The following CDKAL1 variants were observed in gnomAD, a reference collection of about 807,000 sequenced individuals.
CDKAL1 encodes CDKAL1 threonylcarbamoyladenosine tRNA methylthiotransferase.
In CDKAL1, 32 loss-of-function variants were observed where a neutral mutation model predicts 68.2. The observed-to-expected ratio is 0.47, with a 90% CI of 0.35 to 0.63. The LOEUF is 0.63. Ranked by LOEUF, CDKAL1 falls within the 30% of genes least tolerant of loss-of-function variation. The pLI is 0.00. For synonymous variants in CDKAL1, 234 were observed against 244.3 expected (o/e 0.96, Z 0.39); for missense variants, 606 against 696.7 (o/e 0.87, Z 1.47).
chr6:20,679,089 T>C (rs913398910), intron 5 of CDKAL1, among the ~76,000 whole-genome samples: 1 of 152,176 alleles, frequency 6.6e-6, no homozygotes, highest in African/African-American at 2.4e-5. Context: ...TATTGATTGA[T>C]TGATTGTAAA....
intron 9 of CDKAL1, among the ~76,000 whole-genome samples, chr6:20,899,538 T>A (rs1761864195): frequency 6.6e-6 from 1 of 152,196 alleles, no homozygotes; most frequent in Admixed American, 6.5e-5. Flanking sequence ...AATTTCTATG[T>A]CATTAATTTT....
chr6:21,112,166 C>T (rs1774149602), intron 13 of CDKAL1, among the ~76,000 whole-genome samples: 2 of 151,896 alleles, frequency 1.3e-5, no homozygotes, highest in Non-Finnish European at 2.9e-5. Context: ...TGCTGTTTGT[C>T]CTTGGCCTGA....
chr6:20,728,413 A>G (rs1206706947), intron 5 of CDKAL1, among the ~76,000 whole-genome samples: 1 of 152,198 alleles, frequency 6.6e-6, no homozygotes, highest in Non-Finnish European at 1.5e-5. Flanking sequence ...GTGATGGTAG[A>G]TTGAGTAGAT....
At chr6:20,692,674 T>C (rs547373791) in intron 5 of CDKAL1, among the ~76,000 whole-genome samples, 56 of 152,260 alleles carry the variant, frequency 3.7e-4, no homozygotes, top group Non-Finnish European at 6.5e-4. Context: ...TTTGTACTTT[T>C]TTTCTGGAAA....
intron 13 of CDKAL1, among the ~76,000 whole-genome samples, chr6:21,124,496 C>T (rs1321069356): frequency 2.0e-5 from 3 of 151,932 alleles, no homozygotes; most frequent in Non-Finnish European, 4.4e-5. Flanking sequence ...GTATTTATTA[C>T]CTCGATGAAT....
intron 4 of CDKAL1, among the ~76,000 whole-genome samples, chr6:20,593,791 C>T (rs1347967464): frequency 6.6e-6 from 1 of 152,190 alleles, no homozygotes; most frequent in Admixed American, 6.5e-5. Context: ...TTAGATCTTT[C>T]CCACTTTCTG....
chr6:20,781,608 T>A (rs931237498), intron 8 of CDKAL1, among the ~76,000 whole-genome samples: 3 of 152,232 alleles, frequency 2.0e-5, no homozygotes, highest in Admixed American at 1.3e-4. Context: ...ACTGTTTTTT[T>A]CAGTAAAGGT....
intron 8 of CDKAL1, among the ~76,000 whole-genome samples, chr6:20,808,261 C>CA (rs1003416680): frequency 8.6e-5 from 13 of 151,962 alleles, no homozygotes; most frequent in Non-Finnish European, 1.8e-4. Context: ...ATTTGTATTA[C>CA]AAAAAATTGC....
chr6:20,551,848 C>A (rs12055423), intron 4 of CDKAL1, among the ~76,000 whole-genome samples: 3 of 151,812 alleles, frequency 2.0e-5, no homozygotes, highest in Non-Finnish European at 4.4e-5. Context: ...TTACCATATT[C>A]TGATGGTGTA....
intron 4 of CDKAL1, among the ~76,000 whole-genome samples, chr6:20,577,229 A>G (rs775816751): frequency 1.3e-5 from 2 of 152,246 alleles, no homozygotes; most frequent in African/African-American, 2.4e-5. Context: ...ATTATGAACT[A>G]TTTGACAGAG....
intron 4 of CDKAL1, among the ~76,000 whole-genome samples, chr6:20,570,739 C>T (rs992465904): frequency 6.6e-6 from 1 of 152,092 alleles, no homozygotes; most frequent in Non-Finnish European, 1.5e-5. Context: ...AAGAAATTTA[C>T]TAGCCTTTGA....
At chr6:21,166,562 A>G (rs551168415) in intron 13 of CDKAL1, among the ~76,000 whole-genome samples, 53 of 152,290 alleles carry the variant, frequency 3.5e-4, no homozygotes, top group African/African-American at 1.0e-3. Context: ...TAACTTCTTG[A>G]TAGGCCAGGT....
chr6:21,075,006 C>T (rs1771991158), intron 12 of CDKAL1, among the ~76,000 whole-genome samples: 1 of 151,740 alleles, frequency 6.6e-6, no homozygotes, highest in Non-Finnish European at 1.5e-5. Flanking sequence ...AAGCCTATTT[C>T]CTTGCCAAAA....
intron 9 of CDKAL1, among the ~76,000 whole-genome samples, chr6:20,944,523 T>G (rs1214324073): frequency 6.6e-6 from 1 of 152,160 alleles, no homozygotes; most frequent in East Asian, 1.9e-4. Context: ...ATTTTTGTAT[T>G]TTTAGTAGAG....
chr6:20,536,850 T>TC (rs1320615620), intron 2 of CDKAL1, among the ~76,000 whole-genome samples: 1 of 152,086 alleles, frequency 6.6e-6, no homozygotes, highest in African/African-American at 2.4e-5. Context: ...TCTAACAAGT[T>TC]CCCCATGATG....
intron 9 of CDKAL1, among the ~76,000 whole-genome samples, chr6:20,871,239 A>G (rs146415633): frequency 7.9e-5 from 12 of 152,358 alleles, no homozygotes; most frequent in Admixed American, 3.3e-4. Flanking sequence ...TTTTCGTGAT[A>G]TATGTGCTTC....
chr6:20,777,916 T>C (rs964393049), intron 7 of CDKAL1, among the ~76,000 whole-genome samples: 1 of 152,046 alleles, frequency 6.6e-6, no homozygotes, highest in Non-Finnish European at 1.5e-5. Context: ...GAATGTGGAG[T>C]GTCTCTCCCT....
chr6:20,766,453 C>T (rs1581537777), intron 7 of CDKAL1, among the ~76,000 whole-genome samples: 1 of 152,174 alleles, frequency 6.6e-6, no homozygotes, highest in African/African-American at 2.4e-5. Flanking sequence ...TCACAGGCTT[C>T]CCATGACCCA....
At chr6:20,586,155 GCTACCACTGTGGT>G (rs1465387774) in intron 4 of CDKAL1, among the ~76,000 whole-genome samples, 5 of 152,154 alleles carry the variant, frequency 3.3e-5, no homozygotes, top group African/African-American at 1.2e-4. Flanking sequence ...CTTCACTTAG[GCTACCACTGTGGT>G]CTAAGCCAGC....
Sources: gnomAD v4.1 joint callset for allele counts (sites outside exome capture counted in the v4.1 genomes callset) on GRCh38, gnomAD v4.1.1 for gene constraint, MANE v1.5 for transcripts, NCBI Gene and HGNC (gene_info 2026-07-23, HGNC 2026-07-21) for gene names.